Variants in R3HCC1L observed in about 807,000 individuals in gnomAD.
R3HCC1L encodes the protein R3H domain and coiled-coil containing 1 like.
A neutral mutation model predicts 59.9 loss-of-function variants in R3HCC1L; 51 were observed. The ratio of observed to expected loss-of-function variants is 0.85; its 90% CI spans 0.68 to 1.07. The LOEUF is 1.07. Ranked by LOEUF, R3HCC1L falls within the 50% of genes least tolerant of loss-of-function variation. R3HCC1L has a pLI of 0.00. For synonymous variants in R3HCC1L, 322 were observed against 315.2 expected (o/e 1.02, Z -0.23); for missense variants, 965 against 933.0 (o/e 1.03, Z -0.45).
intron 1 of R3HCC1L, among the ~76,000 whole-genome samples, chr10:98,146,608 C>G (rs988112534): frequency 1.3e-5 from 2 of 152,170 alleles, no homozygotes; most frequent in African/African-American, 4.8e-5. Flanking sequence ...ACAATGACCT[C>G]TAGTTCCATT....
intron 4 of R3HCC1L, among the ~76,000 whole-genome samples, chr10:98,177,430 T>C (rs1364213817): frequency 1.3e-5 from 2 of 152,232 alleles, no homozygotes; most frequent in Admixed American, 6.5e-5. Context: ...CAGTCTATCA[T>C]TGATGGACAT....
At chr10:98,207,587 A>G (rs981311352) in intron 4 of R3HCC1L, among the ~76,000 whole-genome samples, 2 of 152,208 alleles carry the variant, frequency 1.3e-5, no homozygotes, top group African/African-American at 4.8e-5. Context: ...GATCAAAAGC[A>G]GCATCTTCTA....
At chr10:98,190,231 C>A (rs1348137356) in intron 4 of R3HCC1L, among the ~76,000 whole-genome samples, 1 of 152,120 alleles carries the variant, frequency 6.6e-6, no homozygotes, top group Non-Finnish European at 1.5e-5. Context: ...TTGGTTGAAT[C>A]CATAGACCCA....
At chr10:98,235,991 C>A in intron 8 of R3HCC1L, 33 bp from the exon 9 acceptor site, 1 of 1,597,572 alleles carries the variant, frequency 6.3e-7, no homozygotes, top group Non-Finnish European at 8.6e-7. Flanking sequence ...CTCTTCTTGA[C>A]TCCTTCCTAC....
intron 1 of R3HCC1L, among the ~76,000 whole-genome samples, chr10:98,134,942 A>G (rs1286535906): frequency 2.0e-5 from 3 of 151,924 alleles, no homozygotes; most frequent in Non-Finnish European, 4.4e-5. Context: ...GCTCTTTTGC[A>G]CTCACTGGGG....
chr10:98,235,406 CT>C lies in R3HCC1L; in HGVS notation c.2033-15del. On this transcript the variant is annotated intron_variant, in intron 7 of 9. Coordinates refer to ENST00000298999, the MANE Select transcript of R3HCC1L (RefSeq NM_001351015.2). ...CACTCTACTTCATGTCTTCTGCTTC[CT>C]TTTATTCCTCTTTGCAGCTCGTGAT... The C allele has an allele frequency of 1.2e-6, 2 of 1,603,792 alleles. No homozygotes were observed. Among genetic ancestry groups the C allele is most frequent in the Non-Finnish European group, 1.7e-6 (2 of 1,171,294 alleles).
At chr10:98,143,724 T>G (rs377745838) in intron 1 of R3HCC1L, among the ~76,000 whole-genome samples, 2 of 152,212 alleles carry the variant, frequency 1.3e-5, no homozygotes, top group East Asian at 3.8e-4. Flanking sequence ...TCATGTAGTT[T>G]TAACTTTTTG....
At chr10:98,156,724 G>A (rs1445637716) in intron 2 of R3HCC1L, among the ~76,000 whole-genome samples, 1 of 152,176 alleles carries the variant, frequency 6.6e-6, no homozygotes, top group Non-Finnish European at 1.5e-5. Flanking sequence ...GTATTTTATG[G>A]TAGTGACTTT....
intron 4 of R3HCC1L, among the ~76,000 whole-genome samples, chr10:98,179,043 A>G (rs925410108): frequency 2.0e-5 from 3 of 152,198 alleles, no homozygotes; most frequent in African/African-American, 7.2e-5. Flanking sequence ...TCCTAATTGA[A>G]TACCCTTTAT....
chr10:98,192,209 GA>G (rs1037419038), intron 4 of R3HCC1L, among the ~76,000 whole-genome samples: 6 of 151,744 alleles, frequency 4.0e-5, no homozygotes, highest in Non-Finnish European at 8.8e-5. Flanking sequence ...TGGAATGCAG[GA>G]AAAAAATTGG....
At chr10:98,204,374 C>T (rs1417983496) in intron 4 of R3HCC1L, among the ~76,000 whole-genome samples, 1 of 151,844 alleles carries the variant, frequency 6.6e-6, no homozygotes, top group East Asian at 1.9e-4. Flanking sequence ...CATTGCACTC[C>T]ACCCTGGGCA....
intron 4 of R3HCC1L, among the ~76,000 whole-genome samples, chr10:98,191,484 C>T (rs527522417): frequency 3.7e-4 from 56 of 152,178 alleles, no homozygotes; most frequent in Non-Finnish European, 5.9e-4. Flanking sequence ...ATCCTTTGCC[C>T]GCTTTTGATG....
intron 5 of R3HCC1L, among the ~76,000 whole-genome samples, chr10:98,220,039 C>G (rs533115672): frequency 2.6e-5 from 4 of 152,130 alleles, no homozygotes; most frequent in Admixed American, 2.0e-4. Flanking sequence ...TGTGATGTCC[C>G]TCATTTCATG....
intron 4 of R3HCC1L, among the ~76,000 whole-genome samples, chr10:98,168,859 T>C (rs1208275387): frequency 6.6e-6 from 1 of 152,198 alleles, no homozygotes; most frequent in Non-Finnish European, 1.5e-5. Context: ...TGGTCCCATG[T>C]TGAAATGTGC....
intron 4 of R3HCC1L, among the ~76,000 whole-genome samples, chr10:98,184,824 G>T (rs188154592): frequency 6.6e-6 from 1 of 152,046 alleles, no homozygotes; most frequent in Non-Finnish European, 1.5e-5. Context: ...CTAGCTGCAG[G>T]TCCACATTTG....
chr10:98,205,381 A>T (rs565996763), intron 4 of R3HCC1L, among the ~76,000 whole-genome samples: 1 of 152,292 alleles, frequency 6.6e-6, no homozygotes, highest in South Asian at 2.1e-4. Context: ...ATAGGGCTTG[A>T]TTTCTTATTT....
intron 1 of R3HCC1L, among the ~76,000 whole-genome samples, chr10:98,151,598 G>A (rs1398043707): frequency 6.6e-6 from 1 of 152,176 alleles, no homozygotes; most frequent in Non-Finnish European, 1.5e-5. Context: ...ATAGGCAGCT[G>A]AATATAAAAT....
rs372405775 is a variant in R3HCC1L at position 98,202,395 on chromosome 10, C to T, written c.-14-5706C>T. On this transcript the variant is annotated intron_variant, in intron 4 of 9. Transcript: ENST00000298999. ...TTGGACAATACTGGGACTGGATGAT[C>T]AAAGTTAAGAGCATCACTGAAGGAC... 3.3e-5 allele frequency among the ~76,000 whole-genome samples: 5 copies of T among 152,212 alleles called. No individual in the cohort carries two copies. The South Asian group carries it at 1.0e-3, about 32-fold the overall frequency.
At chr10:98,228,988 C>T (rs1856015723) in intron 5 of R3HCC1L, among the ~76,000 whole-genome samples, 1 of 152,026 alleles carries the variant, frequency 6.6e-6, no homozygotes, top group Admixed American at 6.6e-5. Context: ...TTACTGTAGC[C>T]TTGTAGTATA....
Sources: allele counts gnomAD v4.1 joint callset (sites outside exome capture counted in the v4.1 genomes callset), GRCh38; gene constraint gnomAD v4.1.1; transcripts MANE v1.5; gene names NCBI Gene and HGNC (gene_info 2026-07-23, HGNC 2026-07-21).